PHKA1: variants seen among roughly 807,000 people sequenced by gnomAD.
The protein encoded by PHKA1 is phosphorylase kinase regulatory subunit alpha 1, also known as phosphorylase b kinase regulatory subunit alpha, skeletal muscle isoform.
A neutral mutation model predicts 110.2 loss-of-function variants in PHKA1; 60 were observed. The ratio of observed to expected loss-of-function variants is 0.54; its 90% CI spans 0.44 to 0.68. The LOEUF is 0.68. PHKA1 is among the 30% of genes least tolerant of loss of function. The probability of loss-of-function intolerance (pLI) is 0.00; values close to 1 mark genes in which losing one functional copy is unlikely to be tolerated. For synonymous variants in PHKA1, 316 were observed against 333.6 expected (o/e 0.95, Z 0.58); for missense variants, 801 against 942.5 (o/e 0.85, Z 1.97).
chrX:72,624,333 C>T lies in PHKA1; in HGVS notation c.1794-1058G>A, dbSNP rs1278098316. Among the ~76,000 whole-genome samples the T allele has an allele frequency of 6.3e-5, 7 of 111,725 alleles. No individual in the cohort carries two copies. The East Asian group carries it at 1.7e-3, about 27-fold the overall frequency. Reference sequence around the variant, plus strand: ...TCCAGTTCTACACCTCCCTCAGTTCCTCACTGTGGTCAGTCCACATATCTG... The same window carrying T: ...TCCAGTTCTACACCTCCCTCAGTTCTTCACTGTGGTCAGTCCACATATCTG... On this transcript the variant is annotated intron_variant, in intron 17 of 31. Coordinates refer to ENST00000373542, the MANE Select transcript of PHKA1 (RefSeq NM_002637.4).
At chrX:72,606,398 A>G (rs1442942737) in intron 23 of PHKA1, among the ~76,000 whole-genome samples, 1 of 110,147 alleles carries the variant, frequency 9.1e-6, no homozygotes, top group Non-Finnish European at 1.9e-5. Context: ...ACATCCTCAC[A>G]CACTTCTGAT....
intron 6 of PHKA1, among the ~76,000 whole-genome samples, chrX:72,672,680 A>G (rs1192085878): frequency 1.8e-5 from 2 of 111,984 alleles, no homozygotes; most frequent in African/African-American, 6.5e-5. Context: ...AATTTTGGTG[A>G]GGGGGGACCA....
chrX:72,625,341 G>C (rs2053044061), intron 17 of PHKA1, among the ~76,000 whole-genome samples: 1 of 111,745 alleles, frequency 8.9e-6, no homozygotes, highest in Non-Finnish European at 1.9e-5. Context: ...ACTTATAAGA[G>C]AGAACATGTG....
chrX:72,620,085 G>A (rs1603257105), intron 19 of PHKA1, among the ~76,000 whole-genome samples: 1 of 111,893 alleles, frequency 8.9e-6, no homozygotes, highest in Middle Eastern at 4.2e-3. Context: ...GGTTAGTAAT[G>A]GTCAATAAAG....
At chrX:72,625,866 A>T (rs1418549314) in intron 17 of PHKA1, among the ~76,000 whole-genome samples, 3 of 111,209 alleles carry the variant, frequency 2.7e-5, no homozygotes, top group Non-Finnish European at 5.7e-5. Context: ...GGTTTTTGCC[A>T]TGTTGGCCAG....
chrX:72,587,202 A>G (rs1456086512), intron 29 of PHKA1, among the ~76,000 whole-genome samples: 1 of 111,845 alleles, frequency 8.9e-6, no homozygotes, highest in Non-Finnish European at 1.9e-5. Context: ...GGTTACCCAC[A>G]AAGGGAAGCC....
intron 6 of PHKA1, among the ~76,000 whole-genome samples, chrX:72,668,831 CA>C (rs1343807424): frequency 4.5e-5 from 5 of 111,579 alleles, no homozygotes; most frequent in African/African-American, 1.6e-4. Context: ...GGATAAGACT[CA>C]AAAGTCCAAA....
chrX:72,666,513 G>A (rs2053617047), intron 7 of PHKA1, among the ~76,000 whole-genome samples: 1 of 111,857 alleles, frequency 8.9e-6, no homozygotes, highest in African/African-American at 3.2e-5. Flanking sequence ...CCATTCACAA[G>A]AAAATCTAGA....
At chrX:72,630,246 T>TGAAAAAGAAAAAGAAAAA (rs202064504) in intron 16 of PHKA1, among the ~76,000 whole-genome samples, 1,750 of 81,065 alleles carry the variant, frequency 0.022, 41 homozygotes, top group Middle Eastern at 0.062. Context: ...AGAGAGACTC[T>TGAAAAAGAAAAAGAAAAA]GAAAAAGAAA....
intron 29 of PHKA1, among the ~76,000 whole-genome samples, chrX:72,588,915 C>A (rs2052475521): frequency 9.0e-6 from 1 of 111,527 alleles, no homozygotes; most frequent in Non-Finnish European, 1.9e-5. Context: ...ATAACAGGTT[C>A]TGAAATTGAG....
chrX:72,586,522 T>C (rs1365949661), intron 29 of PHKA1, among the ~76,000 whole-genome samples: 3 of 111,118 alleles, frequency 2.7e-5, no homozygotes, highest in African/African-American at 9.8e-5. Flanking sequence ...GCGCCTCTTC[T>C]CCTCCAAAGG....
rs191918439 is a variant in PHKA1, at chrX:72,622,623, T to C, written c.1960+486A>G. On this transcript the variant is annotated intron_variant, in intron 18 of 31. Transcript: ENST00000373542. ...AGTTGTATTTGCCTAGTTTGTACTATGAAAATAACAGACATACTGAATAGG... is the reference window on the plus strand; with the variant it reads ...AGTTGTATTTGCCTAGTTTGTACTACGAAAATAACAGACATACTGAATAGG... 459 of 752,071 alleles carry C rather than the reference T, an allele frequency of 6.1e-4. No homozygotes were observed. In the African/African-American group the frequency reaches 0.01, roughly 17 times the overall value. The allele number at this position is 752,071 out of a possible 1,213,427, so 62.0% of individuals were successfully genotyped here.
At chrX:72,633,025 T>TG (rs1556289177) in intron 16 of PHKA1, among the ~76,000 whole-genome samples, 1 of 112,043 alleles carries the variant, frequency 8.9e-6, no homozygotes, top group Non-Finnish European at 1.9e-5. Flanking sequence ...TCCCAAGCTG[T>TG]GGCTATGTAT....
chrX:72,650,747 G>T (rs1299038008), intron 12 of PHKA1, among the ~76,000 whole-genome samples: 4 of 111,792 alleles, frequency 3.6e-5, no homozygotes, highest in African/African-American at 1.3e-4. Context: ...TTTGAGACAG[G>T]GTCTTTCTCT....
intron 31 of PHKA1, among the ~76,000 whole-genome samples, chrX:72,581,615 T>C (rs1430321739): frequency 8.9e-6 from 1 of 111,844 alleles, no homozygotes. Context: ...TTAATTCAAA[T>C]AGACTAAGTT....
At chrX:72,618,911 C>T in intron 20 of PHKA1, 62 bp from the exon 21 acceptor site, 1 of 1,018,013 alleles carries the variant, frequency 9.8e-7, no homozygotes, top group Non-Finnish European at 1.4e-6. Flanking sequence ...AAATAATGTC[C>T]TAGAATGAGT....
intron 4 of PHKA1, 150 bp downstream of exon 4, chrX:72,695,558 C>A (rs2054096356): frequency 5.4e-6 from 3 of 554,092 alleles, no homozygotes; most frequent in Non-Finnish European, 9.0e-6. Flanking sequence ...TCTTTGCCAT[C>A]TCATGATATC....
chrX:72,713,698 A>ACACACCCACC, intron 1 of PHKA1, 105 bp downstream of exon 1: 1 of 615,910 alleles, frequency 1.6e-6, no homozygotes, highest in Non-Finnish European at 2.7e-6. Context: ...ACACACACAC[A>ACACACCCACC]CACCCACACA....
intron 18 of PHKA1, chrX:72,621,800 A>G: frequency 1.3e-6 from 1 of 751,434 alleles, no homozygotes; most frequent in South Asian, 6.8e-5. Context: ...TATGAAGAAT[A>G]TGGAGAGAAG....
Sources: allele counts gnomAD v4.1 joint callset (sites outside exome capture counted in the v4.1 genomes callset), GRCh38; gene constraint gnomAD v4.1.1; transcripts MANE v1.5; gene names NCBI Gene and HGNC (gene_info 2026-07-23, HGNC 2026-07-21).